OPRM1: variants seen among roughly 807,000 people sequenced by gnomAD.
OPRM1 encodes the protein mu-type opioid receptor.
Under a neutral mutation model 31.8 loss-of-function variants are expected in OPRM1, and 27 were observed. The ratio of observed to expected loss-of-function variants is 0.85; its 90% CI spans 0.63 to 1.17. The LOEUF is 1.17. OPRM1 is among the 50% of genes most tolerant of loss of function. The pLI is 0.00. For synonymous variants in OPRM1, 196 were observed against 189.9 expected (o/e 1.03, Z -0.26); for missense variants, 536 against 511.1 (o/e 1.05, Z -0.47).
At chr6:154,084,223 G>A (rs1190314828) in intron 1 of OPRM1, among the ~76,000 whole-genome samples, 2 of 152,104 alleles carry the variant, frequency 1.3e-5, no homozygotes, top group Admixed American at 1.3e-4. Context: ...TGAAATAAAT[G>A]TAAATTAAAT....
rs1042664588 is a variant in OPRM1 at position 154,071,570 on chromosome 6, G to A, written c.291-18256G>A. Among the ~76,000 whole-genome samples, 10 of 152,214 alleles carry A rather than the reference G, an allele frequency of 6.6e-5. No individual in the cohort carries two copies. In the South Asian group the frequency reaches 2.1e-3, roughly 32 times the overall value. On this transcript the variant is annotated intron_variant, in intron 1 of 3. Coordinates refer to ENST00000330432, the MANE Select transcript of OPRM1 (RefSeq NM_000914.5). ...CTGTAGTTTTAAAAAAAAAATAGGT[G>A]TATTGATCTTGCTACAGCAAGGAAT...
At chr6:154,167,939 G>A (rs1562520218) in intron 3 of OPRM1, 1 of 1,596,262 alleles carries the variant, frequency 6.3e-7, no homozygotes. Context: ...GCTATTCAAT[G>A]TTCGGATTTT....
chr6:154,145,313 A>G (rs1486682895), intron 3 of OPRM1, among the ~76,000 whole-genome samples: 1 of 152,236 alleles, frequency 6.6e-6, no homozygotes, highest in East Asian at 1.9e-4. Context: ...CAGCAAAATC[A>G]CAGAATTGAA....
At chr6:154,034,195 T>C (rs1779162652), upstream of OPRM1, among the ~76,000 whole-genome samples, 2 of 152,208 alleles carry the variant, frequency 1.3e-5, no homozygotes, top group African/African-American at 4.8e-5. Context: ...GCATGTTGCC[T>C]GTTTGAGCTG....
At chr6:154,240,975 T>C (rs1157107099) in intron 3 of OPRM1, among the ~76,000 whole-genome samples, 2 of 152,086 alleles carry the variant, frequency 1.3e-5, no homozygotes, top group South Asian at 2.1e-4. Flanking sequence ...CGGTGGCTCA[T>C]GCCTGTAATC....
At position 154,194,086 on chromosome 6, in the gene OPRM1, C is replaced by A. The variant is rs540767986; in HGVS notation, c.1165-52607C>A. Among the ~76,000 whole-genome samples, 23 of 152,282 alleles carry A rather than the reference C, an allele frequency of 1.5e-4. No homozygotes were observed. The East Asian group carries it at 4.4e-3, about 29-fold the overall frequency. On this transcript the variant is annotated intron_variant, in intron 3 of 3. Coordinates refer to the OPRM1 transcript ENST00000337049. ...CGCCCAGGGCAGATCACTGTTAATA[C>A]CCGCTCCTCAACGTTTCAAACTGTT...
intron 3 of OPRM1, among the ~76,000 whole-genome samples, chr6:154,153,033 C>G (rs180840511): frequency 5.3e-5 from 8 of 152,262 alleles, no homozygotes; most frequent in African/African-American, 1.7e-4. Flanking sequence ...GCCACAGCTC[C>G]CAGCACTTGA....
Position 154,123,008 on chromosome 6 carries a change from G to T in OPRM1, c.*4287G>T, listed in dbSNP as rs140522468. Among the ~76,000 whole-genome samples the T allele has an allele frequency of 0.017, 2,527 of 152,268 alleles. 67 individuals are homozygous for T. Among genetic ancestry groups the T allele is most frequent in the African/African-American group, 0.059 (2,437 of 41,546 alleles). ...TAAGGAGCATGGACACAAAGGGTGAGGTTGGAGCAAAAGTTTAATAAGCAA... is the reference window on the plus strand; with the variant it reads ...TAAGGAGCATGGACACAAAGGGTGATGTTGGAGCAAAAGTTTAATAAGCAA... On this transcript the variant is annotated 3_prime_UTR_variant, in exon 4 of 4. Coordinates refer to ENST00000330432, the MANE Select transcript of OPRM1 (RefSeq NM_000914.5).
At chr6:154,205,470 C>T (rs1777415257) in intron 3 of OPRM1, among the ~76,000 whole-genome samples, 2 of 152,092 alleles carry the variant, frequency 1.3e-5, no homozygotes, top group South Asian at 4.1e-4. Flanking sequence ...TGGTGCAAGC[C>T]TGTAATCCCA....
In OPRM1 at chr6:154,089,815, T is replaced by A; in HGVS notation, c.291-11T>A. ...TTTACTGATTCTCACTCTTCTTCCT[T>A]TATCTCCTAGATACACCAAGATGAA... On this transcript the variant is annotated splice_polypyrimidine_tract_variant and intron_variant, in intron 1 of 3. Transcript: ENST00000330432. The A allele has an allele frequency of 6.3e-7, 1 of 1,583,590 alleles. No individual in the cohort carries two copies. Among genetic ancestry groups the A allele is most frequent in the Non-Finnish European group, 8.6e-7 (1 of 1,156,782 alleles).
chr6:154,036,259 T>C (rs957494500), upstream of OPRM1, among the ~76,000 whole-genome samples: 4 of 152,092 alleles, frequency 2.6e-5, no homozygotes, highest in African/African-American at 9.7e-5. Context: ...ATTAAATTTG[T>C]TCTGCAGCTT....
chr6:154,010,566 T>A (rs1777673076), exon 1 of OPRM1: 4 of 1,545,592 alleles, frequency 2.6e-6, no homozygotes, highest in Non-Finnish European at 3.5e-6. Context: ...CCAGGTTCAT[T>A]TGGAAGAAAA....
rs1797628654 is a variant in OPRM1, at chr6:154,127,048, G to A, written c.*8327G>A. 6.6e-6 allele frequency among the ~76,000 whole-genome samples: 1 copy of A among 150,706 alleles called. No homozygotes were observed. The highest frequency in any genetic ancestry group is 1.5e-5 in the Non-Finnish European group (1 of 67,948). ...TGCTTGAACTGGGGAGGCGGAAGTT[G>A]CAGTGAGCCAAGATCGCAGCATTGC... On this transcript the variant is annotated 3_prime_UTR_variant, in exon 4 of 4. Transcript: ENST00000330432.
At chr6:154,238,300 G>A (rs151040427) in intron 3 of OPRM1, among the ~76,000 whole-genome samples, 2 of 152,174 alleles carry the variant, frequency 1.3e-5, no homozygotes, top group African/African-American at 4.8e-5. Flanking sequence ...TTGTTGCCCA[G>A]GCTAGAGTGC....
At chr6:154,104,592 CTAA>C (rs1795319068) in intron 3 of OPRM1, among the ~76,000 whole-genome samples, 1 of 152,172 alleles carries the variant, frequency 6.6e-6, no homozygotes, top group Admixed American at 6.5e-5. Flanking sequence ...TTAAAAACAA[CTAA>C]TGAGACTAGA....
chr6:154,020,563 A>G (rs1214634093), intron 1 of OPRM1, among the ~76,000 whole-genome samples: 1 of 152,262 alleles, frequency 6.6e-6, no homozygotes, highest in Admixed American at 6.5e-5. Context: ...ACATAAAAAC[A>G]CAACCGAACA....
At chr6:154,076,762 G>A (rs748393942) in intron 1 of OPRM1, among the ~76,000 whole-genome samples, 2 of 152,132 alleles carry the variant, frequency 1.3e-5, no homozygotes, top group Non-Finnish European at 2.9e-5. Flanking sequence ...CCAAGCAAAT[G>A]TTTCTTTGCT....
chr6:154,162,004 A>G (rs1019231487), intron 3 of OPRM1, among the ~76,000 whole-genome samples: 7 of 152,126 alleles, frequency 4.6e-5, no homozygotes, highest in African/African-American at 1.7e-4. Flanking sequence ...TGGCCTTGCT[A>G]TCTCTTTGTT....
intron 3 of OPRM1, among the ~76,000 whole-genome samples, chr6:154,218,309 C>G (rs572121594): frequency 2.6e-5 from 4 of 152,302 alleles, no homozygotes; most frequent in South Asian, 2.1e-4. Flanking sequence ...AGGCAGCTCC[C>G]GTCTTTGCTG....
Sources: allele counts gnomAD v4.1 joint callset (sites outside exome capture counted in the v4.1 genomes callset), GRCh38; gene constraint gnomAD v4.1.1; transcripts MANE v1.5; gene names NCBI Gene and HGNC (gene_info 2026-07-23, HGNC 2026-07-21).